Variants in CRACD observed in about 807,000 individuals in gnomAD.
CRACD encodes capping protein inhibiting regulator of actin dynamics.
In CRACD, 56 loss-of-function variants were observed where a neutral mutation model predicts 106.8. That is an observed-to-expected ratio of 0.52 (90% confidence interval 0.42 to 0.66). The LOEUF is 0.66. CRACD is among the 30% of genes least tolerant of loss of function. The pLI is 0.00. For synonymous variants in CRACD, 754 were observed against 670.8 expected (o/e 1.12, Z -1.92); for missense variants, 1,730 against 1,623.2 (o/e 1.07, Z -1.13).
At chr4:56,235,497 AT>A (rs1739914762) in intron 2 of CRACD, among the ~76,000 whole-genome samples, 2 of 152,226 alleles carry the variant, frequency 1.3e-5, no homozygotes, top group Admixed American at 6.5e-5. Context: ...GAGTAGTTGA[AT>A]TGCTCTCTTT....
chr4:56,225,812 G>A (rs527239366), intron 2 of CRACD, among the ~76,000 whole-genome samples: 8 of 152,174 alleles, frequency 5.3e-5, no homozygotes, highest in Non-Finnish European at 1.0e-4. Context: ...AGTAATTCAA[G>A]ATCATAACAT....
At chr4:56,106,930 C>T (rs192255418) in intron 1 of CRACD, among the ~76,000 whole-genome samples, 6 of 152,308 alleles carry the variant, frequency 3.9e-5, no homozygotes, top group Admixed American at 6.5e-5. Flanking sequence ...AACTTGCCAG[C>T]TGTGCACATG....
In CRACD at chr4:56,269,784, A is replaced by G. The variant is rs568163804; in HGVS notation, c.-188-2537A>G. ...ACCAGATCTCACAATAACTCATTCA[A>G]TATCACGAGGACAGCACCAGGCCAT... On this transcript the variant is annotated intron_variant, in intron 2 of 10. Coordinates refer to ENST00000682029, the MANE Select transcript of CRACD (RefSeq NM_001393381.1). Among the ~76,000 whole-genome samples, 4 of 152,078 alleles carry G rather than the reference A, an allele frequency of 2.6e-5. No homozygotes were observed. In the South Asian group the frequency reaches 8.3e-4, roughly 32 times the overall value.
chr4:56,186,820 G>C (rs1486068209), intron 2 of CRACD, among the ~76,000 whole-genome samples: 1 of 152,124 alleles, frequency 6.6e-6, no homozygotes, highest in Non-Finnish European at 1.5e-5. Context: ...CCAGCACTTT[G>C]GTAGGCCATG....
chr4:56,295,715 C>G (rs1743982675), intron 3 of CRACD, among the ~76,000 whole-genome samples: 1 of 119,670 alleles, frequency 8.4e-6, no homozygotes, highest in Non-Finnish European at 1.7e-5. Context: ...ATATATATGC[C>G]CTTTGCAAAA....
At chr4:56,294,913 C>CAAAAAAAAAAAAAAAAAAAAA (rs56200534) in intron 3 of CRACD, among the ~76,000 whole-genome samples, 10 of 72,146 alleles carry the variant, frequency 1.4e-4, no homozygotes, top group African/African-American at 2.4e-4. Context: ...GACCTTGTCT[C>CAAAAAAAAAAAAAAAAAAAAA]AAAAAAAAAA....
At chr4:56,183,821 G>A (rs1333798785) in intron 2 of CRACD, among the ~76,000 whole-genome samples, 1 of 152,194 alleles carries the variant, frequency 6.6e-6, no homozygotes, top group Non-Finnish European at 1.5e-5. Context: ...AAGGTGTCAT[G>A]TGAGCCTGGG....
At chr4:56,270,775 TAGTAAGG>T (rs1742304735) in intron 2 of CRACD, among the ~76,000 whole-genome samples, 1 of 152,076 alleles carries the variant, frequency 6.6e-6, no homozygotes, top group Non-Finnish European at 1.5e-5. Context: ...CCGTGGTACA[TAGTAAGG>T]GTTAAAACAT....
chr4:56,150,726 A>C (rs575117467), intron 1 of CRACD, among the ~76,000 whole-genome samples: 1 of 152,168 alleles, frequency 6.6e-6, no homozygotes, highest in South Asian at 2.1e-4. Flanking sequence ...TAATTCATTC[A>C]TTTGCATTAC....
At chr4:56,063,740 A>G (rs1253697103) in intron 1 of CRACD, among the ~76,000 whole-genome samples, 1 of 152,096 alleles carries the variant, frequency 6.6e-6, no homozygotes, top group African/African-American at 2.4e-5. Flanking sequence ...AAAAAAAATG[A>G]AATTTTCTGT....
intron 3 of CRACD, among the ~76,000 whole-genome samples, chr4:56,279,335 G>C (rs952251254): frequency 3.3e-5 from 5 of 152,068 alleles, no homozygotes; most frequent in Non-Finnish European, 7.4e-5. Flanking sequence ...CACAGCAAAA[G>C]AAACTACCAT....
intron 8 of CRACD, 126 bp from the exon 9 acceptor site, chr4:56,323,251 G>C (rs1746216649): frequency 1.3e-6 from 1 of 752,302 alleles, no homozygotes; most frequent in Non-Finnish European, 2.1e-6. Context: ...CAGAGGTTGT[G>C]CTAGGAAGGG....
chr4:56,124,163 C>A (rs1366814634), intron 1 of CRACD, among the ~76,000 whole-genome samples: 1 of 152,042 alleles, frequency 6.6e-6, no homozygotes, highest in African/African-American at 2.4e-5. Flanking sequence ...GTCTTGAACT[C>A]CTGACCTCAG....
intron 1 of CRACD, among the ~76,000 whole-genome samples, chr4:56,153,341 C>T (rs550027798): frequency 2.0e-5 from 3 of 152,312 alleles, no homozygotes; most frequent in Admixed American, 6.5e-5. Context: ...TAGTCATCTC[C>T]GTCTCAGTAA....
At chr4:56,130,715 T>G (rs764171853) in intron 1 of CRACD, among the ~76,000 whole-genome samples, 1 of 151,732 alleles carries the variant, frequency 6.6e-6, no homozygotes, top group Non-Finnish European at 1.5e-5. Context: ...GTCATAGTTG[T>G]TTTTTTTCCT....
chr4:56,312,697 T>C (rs559965880), intron 6 of CRACD, among the ~76,000 whole-genome samples: 1 of 152,288 alleles, frequency 6.6e-6, no homozygotes, highest in East Asian at 1.9e-4. Flanking sequence ...TTAACAGTTC[T>C]TAGCACAGAG....
intron 1 of CRACD, among the ~76,000 whole-genome samples, chr4:56,050,838 T>A (rs1731850684): frequency 6.6e-6 from 1 of 152,210 alleles, no homozygotes; most frequent in Non-Finnish European, 1.5e-5. Flanking sequence ...AATTTTACAG[T>A]CATCTCTAAC....
rs920259279 is a variant in CRACD at position 56,190,040 on chromosome 4, A to T, written c.-189+10610A>T. Among the ~76,000 whole-genome samples, 15 of 138,084 alleles carry T rather than the reference A, an allele frequency of 1.1e-4. No individual in the cohort carries two copies. The Admixed American group carries it at 1.1e-3, about 10-fold the overall frequency. 90.6% of individuals were successfully genotyped at this position (138,084 alleles called of 152,430 possible). On this transcript the variant is annotated intron_variant, in intron 2 of 10. Transcript: ENST00000682029. Reference sequence around the variant, plus strand: ...TGTGTCCATGTGTTCTCATTGTTCAATTCCCACCTATGAGTGAGAATATGT... The same window carrying T: ...TGTGTCCATGTGTTCTCATTGTTCATTTCCCACCTATGAGTGAGAATATGT...
Position 56,221,911 on chromosome 4 carries a change from T to C in CRACD, c.-189+42481T>C, listed in dbSNP as rs541042593. ...ACAGTAGATGTTGGCATAGATGTGG[T>C]GAATACAGAACACTTTTACACTGCT... On this transcript the variant is annotated intron_variant, in intron 2 of 10. Transcript: ENST00000682029. Among the ~76,000 whole-genome samples, 7 of 152,276 alleles carry C rather than the reference T, an allele frequency of 4.6e-5. No individual in the cohort carries two copies. In the South Asian group the frequency reaches 1.5e-3, roughly 32 times the overall value.
Sources: gnomAD v4.1 joint callset for allele counts (sites outside exome capture counted in the v4.1 genomes callset) on GRCh38, gnomAD v4.1.1 for gene constraint, MANE v1.5 for transcripts, NCBI Gene and HGNC (gene_info 2026-07-23, HGNC 2026-07-21) for gene names.